ZBTB20: variants seen among roughly 807,000 people sequenced by gnomAD.
ZBTB20 encodes zinc finger and BTB domain containing 20.
ZBTB20 carries 9 observed loss-of-function variants against 56.9 expected under a neutral mutation model. The observed-to-expected ratio is 0.16, with a 90% CI of 0.10 to 0.28. ZBTB20 has a LOEUF of 0.28. ZBTB20 is among the 10% of genes least tolerant of loss of function. The pLI, the probability that ZBTB20 is intolerant of heterozygous loss-of-function variation, is 1.00. For synonymous variants in ZBTB20, 417 were observed against 420.7 expected (o/e 0.99, Z 0.11); for missense variants, 655 against 1,003.0 (o/e 0.65, Z 4.69).
At chr3:114,919,484 A>G (rs56835069) in intron 3 of ZBTB20, among the ~76,000 whole-genome samples, 24,639 of 152,028 alleles carry the variant, frequency 0.16, 2,527 homozygotes, top group African/African-American at 0.27. Flanking sequence ...AAGGGGAGTG[A>G]ATCATGAGGT....
intron 7 of ZBTB20, among the ~76,000 whole-genome samples, chr3:114,479,589 T>C (rs931348913): frequency 1.3e-5 from 2 of 152,242 alleles, no homozygotes; most frequent in African/African-American, 4.8e-5. Flanking sequence ...CTATTTTCTT[T>C]TTTCTTATTT....
intron 6 of ZBTB20, among the ~76,000 whole-genome samples, chr3:114,559,459 A>G (rs766940840): frequency 6.6e-6 from 1 of 152,184 alleles, no homozygotes. Flanking sequence ...TACTTAGAAC[A>G]CAATTGTGAA....
At chr3:114,748,332 T>TTTCTTTCTC (rs2067254572) in intron 5 of ZBTB20, among the ~76,000 whole-genome samples, 1 of 112,662 alleles carries the variant, frequency 8.9e-6, no homozygotes, top group Admixed American at 8.8e-5. Flanking sequence ...CTTTCTTTCT[T>TTTCTTTCTC]TCTTCTTTCT....
intron 6 of ZBTB20, among the ~76,000 whole-genome samples, chr3:114,620,055 T>C (rs889611755): frequency 9.2e-5 from 14 of 152,202 alleles, no homozygotes; most frequent in Non-Finnish European, 1.9e-4. Flanking sequence ...CTACATGAGC[T>C]GACCAAGCTG....
In ZBTB20 at chr3:115,071,396, C is replaced by T. The variant is rs1025585517; in HGVS notation, c.-684G>A. 25 of 152,138 alleles carry T rather than the reference C, an allele frequency of 1.6e-4. No homozygotes were observed. Among genetic ancestry groups the T allele is most frequent in the African/African-American group, 4.8e-4 (20 of 41,496 alleles). The allele number at this position is 152,138 out of a possible 1,614,324, so 9.4% of individuals were successfully genotyped here. A position where few individuals can be genotyped will look rare whatever the true frequency, so the allele number is the denominator to read the frequency against. ...ATTCCAGAAGCCAAGGAGTGTTGTA[C>T]GGTAAGTCCTGGCAGTGCCTTTGGT... On this transcript the variant is annotated 5_prime_UTR_variant, in exon 2 of 12. Coordinates refer to ENST00000675478, the MANE Select transcript of ZBTB20 (RefSeq NM_001348800.3).
At chr3:115,104,965 G>A (rs1035901705) in intron 1 of ZBTB20, among the ~76,000 whole-genome samples, 19 of 151,968 alleles carry the variant, frequency 1.3e-4, no homozygotes, top group African/African-American at 4.6e-4. Flanking sequence ...AAGGCAGGGG[G>A]TATATGAGAA....
Position 115,018,059 on chromosome 3 carries a change from G to T in ZBTB20, c.-506-43643C>A, listed in dbSNP as rs113087294. On this transcript the variant is annotated intron_variant, in intron 2 of 11. Coordinates refer to ENST00000675478, the MANE Select transcript of ZBTB20 (RefSeq NM_001348800.3). Reference sequence around the variant, plus strand: ...GTTGTTTTTTTAATCTCTTAAAGTTGCACATTGAATCACTGCTGATTTGTA... The same window carrying T: ...GTTGTTTTTTTAATCTCTTAAAGTTTCACATTGAATCACTGCTGATTTGTA... Among the ~76,000 whole-genome samples, 1,178 of 151,390 alleles carry T rather than the reference G, an allele frequency of 7.8e-3. 18 individuals are homozygous for T. Among genetic ancestry groups the T allele is most frequent in the African/African-American group, 0.026 (1,094 of 41,394 alleles).
At chr3:115,115,178 G>A (rs1383977316) in intron 1 of ZBTB20, among the ~76,000 whole-genome samples, 1 of 152,086 alleles carries the variant, frequency 6.6e-6, no homozygotes, top group Non-Finnish European at 1.5e-5. Context: ...GTGTGTACTT[G>A]TGACTTCAAT....
At chr3:114,616,204 T>C (rs1349551042) in intron 6 of ZBTB20, among the ~76,000 whole-genome samples, 1 of 152,224 alleles carries the variant, frequency 6.6e-6, no homozygotes, top group East Asian at 1.9e-4. Context: ...TGGCTTGTTT[T>C]GCCAATAGCT....
At chr3:114,352,037 GT>G (rs766344091) in intron 10 of ZBTB20, 159 bp from the exon 11 acceptor site, 71 of 926,474 alleles carry the variant, frequency 7.7e-5, no homozygotes, top group Non-Finnish European at 1.1e-4. Context: ...CATACAAGCT[GT>G]AGGTACGATG....
intron 7 of ZBTB20, among the ~76,000 whole-genome samples, chr3:114,424,854 G>T (rs959912519): frequency 2.0e-5 from 3 of 152,182 alleles, no homozygotes; most frequent in Non-Finnish European, 4.4e-5. Flanking sequence ...TCTGAAGAAA[G>T]CTGGTCAAGG....
chr3:114,673,802 G>C (rs1377603202), intron 6 of ZBTB20, among the ~76,000 whole-genome samples: 1 of 152,116 alleles, frequency 6.6e-6, no homozygotes, highest in African/African-American at 2.4e-5. Context: ...CTATGCTTTT[G>C]CTTAGTTGAA....
intron 6 of ZBTB20, among the ~76,000 whole-genome samples, chr3:114,544,410 TTTCTTTCTTTC>T (rs1462397980): frequency 4.0e-4 from 1 of 2,526 alleles, no homozygotes; most frequent in Non-Finnish European, 7.6e-4. Context: ...AGATTTCTTC[TTTCTTTCTTTC>T]TTTCTTTCTT....
At chr3:114,910,925 T>A (rs1009474923) in intron 3 of ZBTB20, among the ~76,000 whole-genome samples, 5 of 152,092 alleles carry the variant, frequency 3.3e-5, no homozygotes, top group Admixed American at 6.6e-5. Context: ...TTCCCAAGTG[T>A]TGTTTTCTTC....
intron 4 of ZBTB20, among the ~76,000 whole-genome samples, chr3:114,895,865 G>T (rs1338442992): frequency 2.0e-5 from 3 of 152,138 alleles, no homozygotes; most frequent in African/African-American, 7.2e-5. Flanking sequence ...TTGAGGCTTA[G>T]TAAGCTCTGC....
intron 7 of ZBTB20, among the ~76,000 whole-genome samples, chr3:114,397,481 C>G (rs967386399): frequency 5.9e-5 from 9 of 151,418 alleles, no homozygotes; most frequent in African/African-American, 2.2e-4. Flanking sequence ...CTCTCTACTT[C>G]TCTTTATCTT....
At chr3:114,635,887 A>G (rs2059238923) in intron 6 of ZBTB20, among the ~76,000 whole-genome samples, 1 of 152,050 alleles carries the variant, frequency 6.6e-6, no homozygotes, top group Non-Finnish European at 1.5e-5. Context: ...CTATTTAAAG[A>G]AATAATGGTA....
intron 2 of ZBTB20, among the ~76,000 whole-genome samples, chr3:114,977,556 T>C (rs1481764275): frequency 6.6e-6 from 1 of 152,040 alleles, no homozygotes; most frequent in African/African-American, 2.4e-5. Context: ...AAGTAACATT[T>C]CCATGAACAA....
chr3:114,649,885 A>G (rs2060040242), intron 6 of ZBTB20, among the ~76,000 whole-genome samples: 1 of 151,990 alleles, frequency 6.6e-6, no homozygotes. Flanking sequence ...CAATAATAAT[A>G]TAACAACAAT....
Sources: gnomAD v4.1 joint callset for allele counts (sites outside exome capture counted in the v4.1 genomes callset) on GRCh38, gnomAD v4.1.1 for gene constraint, MANE v1.5 for transcripts, NCBI Gene and HGNC (gene_info 2026-07-23, HGNC 2026-07-21) for gene names.